SART1: variants seen among roughly 807,000 people sequenced by gnomAD.
SART1 encodes U4/U6.U5 tri-snRNP-associated protein 1.
SART1 carries 28 observed loss-of-function variants against 105.0 expected under a neutral mutation model. The ratio of observed to expected loss-of-function variants is 0.27; its 90% CI spans 0.20 to 0.37. SART1 has a LOEUF of 0.37. Ranked by LOEUF, SART1 falls within the 10% of genes least tolerant of loss-of-function variation. The pLI is 1.00. For missense variants in SART1, 894 were observed against 1,106.5 expected (o/e 0.81, Z 2.72); for synonymous variants, 472 against 462.9 (o/e 1.02, Z -0.25).
In SART1 at chr11:65,976,548, G is replaced by A. The variant is rs771564764; in HGVS notation, c.1726G>A (p.Glu576Lys). Residue 576 changes from glutamate to lysine, a missense_variant, in exon 13 of 20, where the codon GAG (glutamate) becomes AAG (lysine). Glu to Lys is a moderately conservative substitution (Grantham distance 56, BLOSUM62 1). Transcript: ENST00000312397. This position sits in a 1 kb window ranked among gnomAD's most constrained non-coding sequence, Gnocchi z 5.1. The part of the protein sequence containing the change: ...IPTYGLAGNR[E>K]EQEELMDFER... ...CACCTACGGGCTGGCTGGCAATCGC[G>A]AGGAGCAGGAGGAGCTCATGGTGCG... 3 of 1,609,052 alleles carry A rather than the reference G, an allele frequency of 1.9e-6. No individual in the cohort carries two copies. The highest frequency in any genetic ancestry group is 1.1e-5 in the South Asian group (1 of 90,718).
rs767472442 is a variant in SART1, at chr11:65,967,465, C to T, written c.1314-6C>T. The T allele has an allele frequency of 5.6e-6, 9 of 1,613,618 alleles. No individual in the cohort carries two copies. Among genetic ancestry groups the T allele is most frequent in the South Asian group, 3.3e-5 (3 of 91,066 alleles). ...GGTGCTCACCAGAGAGGCCTCCTTC[C>T]CTCAGACTGCGGGGACGGGGTCGCC... On this transcript the variant is annotated splice_region_variant and splice_polypyrimidine_tract_variant and intron_variant, in intron 10 of 19. Coordinates refer to ENST00000312397, the MANE Select transcript of SART1 (RefSeq NM_005146.5).
In SART1 at chr11:65,967,314, A is replaced by T. The variant is rs1264151856; in HGVS notation, c.1244A>T (p.Glu415Val). The change falls in exon 10 of 20, where the codon GAG becomes GTG. Residue 415 changes from glutamate to valine, a missense_variant. Physicochemically the swap from Glu to Val is moderately radical, Grantham distance 121. Coordinates refer to ENST00000312397, the MANE Select transcript of SART1 (RefSeq NM_005146.5). Reference sequence around the variant, plus strand: ...AAGAAAATCCGCAAGAAGGAGAAGGAGGTAGTAGTGCGGGCAGATGACTTG... The same window carrying T: ...AAGAAAATCCGCAAGAAGGAGAAGGTGGTAGTAGTGCGGGCAGATGACTTG... ...RVKKIRKKEK[E>V]VVVRADDLLP... is the part of the protein sequence containing the mutation. 6.2e-7 allele frequency: 1 copy of T among 1,613,894 alleles called. No individual in the cohort carries two copies. Among genetic ancestry groups the T allele is most frequent in the African/African-American group, 1.3e-5 (1 of 74,872 alleles).
At chr11:65,964,255 C>G in intron 2 of SART1, 124 bp downstream of exon 2, 1 of 954,236 alleles carries the variant, frequency 1.0e-6, no homozygotes, top group Non-Finnish European at 1.6e-6. Flanking sequence ...TTTAAATCAT[C>G]TTAGCCAACA....
At chr11:65,967,949 GTTTTTTT>G in intron 12 of SART1, 128 bp downstream of exon 12, 3 of 422,344 alleles carry the variant, frequency 7.1e-6, no homozygotes, top group East Asian at 4.4e-5. Context: ...TTCTGGGTTT[GTTTTTTT>G]TTTTTTTTTT....
rs1160761397 is a variant in SART1 at position 65,978,091 on chromosome 11, A to G, written c.2172+192A>G. The G allele has an allele frequency of 1.6e-6, 1 of 624,962 alleles. No individual in the cohort carries two copies. The highest frequency in any genetic ancestry group is 2.8e-5 in the East Asian group (1 of 35,998). 38.7% of individuals were successfully genotyped at this position (624,962 alleles called of 1,614,324 possible). The stretch of plus-strand genomic sequence containing the variant: ...GAAGGCTGTGCCTCAGTTTGTCTCT[A>G]GTGGGCACAGCAGTCTCTTTGCAAG... On this transcript the variant is annotated intron_variant, in intron 17 of 19. Coordinates refer to ENST00000312397, the MANE Select transcript of SART1 (RefSeq NM_005146.5). The surrounding 1 kb of genome is among the most constrained non-coding windows in gnomAD (Gnocchi z 6.8).
chr11:65,962,997 G>T (rs918430993), intron 1 of SART1, among the ~76,000 whole-genome samples: 11 of 151,900 alleles, frequency 7.2e-5, no homozygotes, highest in Non-Finnish European at 1.0e-4. Flanking sequence ...GGGGTGGGGG[G>T]AGATAGTTCA....
intron 1 of SART1, 42 bp downstream of exon 1, chr11:65,962,135 G>T: frequency 9.3e-7 from 1 of 1,080,156 alleles, no homozygotes. Flanking sequence ...TCGGGCGGGG[G>T]TCCCGGAACG....
chr11:65,977,918 A>G lies in SART1; in HGVS notation c.2172+19A>G. ...CAAGGAGGTGAGCAGGGCCTTTTGC[A>G]GGCGGAGGCCCGGCCTGCCACAGGG... On this transcript the variant is annotated intron_variant, in intron 17 of 19. Transcript: ENST00000312397. 6.3e-7 allele frequency: 1 copy of G among 1,585,378 alleles called. No homozygotes were observed. Among genetic ancestry groups the G allele is most frequent in the Non-Finnish European group, 8.6e-7 (1 of 1,168,544 alleles).
chr11:65,977,189 C>A, intron 15 of SART1, 88 bp downstream of exon 15: 1 of 942,562 alleles, frequency 1.1e-6, no homozygotes, highest in East Asian at 2.5e-5. Context: ...CTCTGCTGCC[C>A]CTTTCTCTCA....
chr11:65,969,718 C>T (rs944676740), intron 12 of SART1, among the ~76,000 whole-genome samples: 1 of 151,754 alleles, frequency 6.6e-6, no homozygotes, highest in Non-Finnish European at 1.5e-5. Context: ...CCTGGTGTAG[C>T]CTAGAAAGTT....
chr11:65,967,017 C>G (rs1358016248), intron 9 of SART1, among the ~76,000 whole-genome samples: 1 of 152,096 alleles, frequency 6.6e-6, no homozygotes, highest in Non-Finnish European at 1.5e-5. Context: ...GCCAGACTGC[C>G]CAGCTCTCCC....
Position 65,976,387 on chromosome 11 carries a change from T to TC in SART1, c.1573-3dup. 6.5e-7 allele frequency: 1 copy of TC among 1,526,752 alleles called. No homozygotes were observed. The highest frequency in any genetic ancestry group is 1.8e-4 in the Middle Eastern group (1 of 5,638). 94.6% of individuals were successfully genotyped at this position (1,526,752 alleles called of 1,614,324 possible). A position where few individuals can be genotyped will look rare whatever the true frequency, so the allele number is the denominator to read the frequency against. ...GCTGGGTTTGCCCACAGCCGCTCCCTCCCCCAGGTGGTGGAGATTGTGAAG... is the reference window on the plus strand; with the variant it reads ...GCTGGGTTTGCCCACAGCCGCTCCCTCCCCCCAGGTGGTGGAGATTGTGAAG... On this transcript the variant is annotated splice_polypyrimidine_tract_variant and splice_region_variant and intron_variant, in intron 12 of 19. Transcript: ENST00000312397. The surrounding 1 kb of genome is among the most constrained non-coding windows in gnomAD (Gnocchi z 5.1).
At chr11:65,962,782 C>T (rs1020483913) in intron 1 of SART1, among the ~76,000 whole-genome samples, 4 of 152,102 alleles carry the variant, frequency 2.6e-5, no homozygotes, top group African/African-American at 7.2e-5. Context: ...GTGGCCTGCA[C>T]CAAGGCAGCA....
At chr11:65,963,492 G>GT (rs1855186226) in intron 1 of SART1, among the ~76,000 whole-genome samples, 1 of 148,570 alleles carries the variant, frequency 6.7e-6, no homozygotes, top group East Asian at 2.0e-4. Context: ...GTTTTGTTTT[G>GT]TTTTTTTGAG....
At chr11:65,964,937 G>C (rs867443567) in intron 3 of SART1, 155 bp from the exon 4 acceptor site, 1 of 981,358 alleles carries the variant, frequency 1.0e-6, no homozygotes, top group Admixed American at 3.3e-5. Flanking sequence ...GGCCAGGAGT[G>C]TGGGGACGAA....
intron 12 of SART1, among the ~76,000 whole-genome samples, chr11:65,970,012 A>G (rs921087672): frequency 2.0e-5 from 3 of 152,150 alleles, no homozygotes; most frequent in African/African-American, 7.2e-5. Flanking sequence ...ATGAACCACC[A>G]CACCCGGCCA....
rs763211856 is a variant in SART1 at position 65,966,545 on chromosome 11, C to T, written c.1177C>T (p.Pro393Ser). 16 of 1,530,530 alleles carry T rather than the reference C, an allele frequency of 1.0e-5. No homozygotes were observed. Among genetic ancestry groups the T allele is most frequent in the East Asian group, 2.3e-5 (1 of 43,998 alleles). The allele number at this position is 1,530,530 out of a possible 1,614,324, so 94.8% of individuals were successfully genotyped here. ...CCGGCTGGCCTCCGAATACCTCACGCCTGAGGAGATGGTGAGCCCTCCCGT... is the reference window on the plus strand; with the variant it reads ...CCGGCTGGCCTCCGAATACCTCACGTCTGAGGAGATGGTGAGCCCTCCCGT... ...GPRLASEYLT[P>S]EEMVTFKKTK... The change falls in exon 9 of 20, where the codon CCT (proline) becomes TCT (serine). Residue 393 changes from proline to serine, a missense_variant. Around this residue, in one of 2 missense-constraint regions of SART1, gnomAD observed 712 missense variants for 778.2 expected, o/e 0.91. Coordinates refer to ENST00000312397, the MANE Select transcript of SART1 (RefSeq NM_005146.5).
intron 12 of SART1, among the ~76,000 whole-genome samples, chr11:65,971,566 A>G (rs1855380266): frequency 1.3e-4 from 1 of 7,530 alleles, no homozygotes; most frequent in Admixed American, 3.3e-3. Flanking sequence ...GGATGGTGGG[A>G]TTCATGAGCT....
intron 1 of SART1, among the ~76,000 whole-genome samples, chr11:65,963,240 T>C (rs1231601134): frequency 6.6e-6 from 1 of 152,018 alleles, no homozygotes; most frequent in Non-Finnish European, 1.5e-5. Flanking sequence ...CTTTGTGTCA[T>C]GGGAACTTTG....
Sources: gnomAD v4.1 joint callset for allele counts (sites outside exome capture counted in the v4.1 genomes callset) on GRCh38, gnomAD v4.1.1 for gene constraint, gnomAD v4.1.1 regional missense constraint, Gnocchi (gnomAD v3.1) non-coding constraint, MANE v1.5 for transcripts, NCBI Gene and HGNC (gene_info 2026-07-23, HGNC 2026-07-21) for gene names.